TUBB8B: variants seen among roughly 807,000 people sequenced by gnomAD.
TUBB8B encodes the protein HSA18p11 beta-tubulin 4Q pseudogene.
In TUBB8B, 26 loss-of-function variants were observed where a neutral mutation model predicts 31.9. The observed-to-expected ratio is 0.81, with a 90% CI of 0.60 to 1.13. The LOEUF (loss-of-function observed/expected upper bound fraction) is 1.13, where lower values mean the gene tolerates loss of function less well. TUBB8B is among the 50% of genes most tolerant of loss of function. The pLI is 0.00. For missense variants in TUBB8B, 467 were observed against 586.7 expected (o/e 0.80, Z 2.11); for synonymous variants, 173 against 231.0 (o/e 0.75, Z 2.28).
At chr18:49,677 T>C (rs1345158556), upstream of TUBB8B, 2 of 706,462 alleles carry the variant, frequency 2.8e-6, no homozygotes, top group East Asian at 5.4e-5. Flanking sequence ...CAGCCTCCGA[T>C]TGGGCTCCCA....
chr18:67,897 T>C, the TUBB8B span, among the ~76,000 whole-genome samples: 5 of 152,112 alleles, frequency 3.3e-5, no homozygotes, highest in Admixed American at 1.3e-4. Flanking sequence ...GTAAGACTGA[T>C]GGGACACCTG....
the TUBB8B span, among the ~76,000 whole-genome samples, chr18:57,568 A>T: frequency 0.62 from 94,109 of 151,128 alleles, 30,535 homozygotes; most frequent in East Asian, 0.98. Flanking sequence ...ATTGCGTGCC[A>T]CTGGCTGGTT....
At chr18:59,569 C>T in the TUBB8B span, among the ~76,000 whole-genome samples, 32 of 129,238 alleles carry the variant, frequency 2.5e-4, no homozygotes, top group South Asian at 7.0e-3. Flanking sequence ...TTTGAGATGA[C>T]GTCTTCCTCT....
At chr18:67,972 A>G in the TUBB8B span, among the ~76,000 whole-genome samples, 1 of 152,160 alleles carries the variant, frequency 6.6e-6, no homozygotes, top group Non-Finnish European at 1.5e-5. Context: ...CACCCACAAT[A>G]CTGCTATGAC....
At chr18:55,113 A>G in the TUBB8B span, among the ~76,000 whole-genome samples, 5 of 148,044 alleles carry the variant, frequency 3.4e-5, no homozygotes, top group Admixed American at 2.0e-4. Context: ...TTATCTATTT[A>G]TGTATTGAGA....
chr18:49,288 C>T lies in TUBB8B; in HGVS notation c.58-51G>A, dbSNP rs1402188278. ...AGGCCGGGGCTGAGTCACGGAGGCGCCCCAGCCGCTCTCCCACCCCCACCC... is the reference window on the plus strand; with the variant it reads ...AGGCCGGGGCTGAGTCACGGAGGCGTCCCAGCCGCTCTCCCACCCCCACCC... On this transcript the variant is annotated intron_variant, in intron 1 of 3. Transcript: ENST00000308911. 1.4e-5 allele frequency: 21 copies of T among 1,492,570 alleles called. No individual in the cohort carries two copies. In the African/African-American group the frequency reaches 2.5e-4, roughly 18 times the overall value. 92.5% of individuals were successfully genotyped at this position (1,492,570 alleles called of 1,614,324 possible).
At chr18:64,186 T>C in the TUBB8B span, among the ~76,000 whole-genome samples, 9 of 152,022 alleles carry the variant, frequency 5.9e-5, no homozygotes, top group African/African-American at 2.2e-4. Context: ...AATCAAACTC[T>C]AAGCAAACCC....
chr18:49,799 G>A (rs1384828786), upstream of TUBB8B: 6 of 641,080 alleles, frequency 9.4e-6, no homozygotes, highest in East Asian at 3.4e-5. Flanking sequence ...CCACGTTGGG[G>A]AAAGCTGCTC....
chr18:56,319 G>T, the TUBB8B span, among the ~76,000 whole-genome samples: 2 of 151,608 alleles, frequency 1.3e-5, no homozygotes, highest in African/African-American at 4.8e-5. Context: ...GGTGTTTTGT[G>T]GTTCCATATT....
At chr18:66,371 G>GCAAGAC in the TUBB8B span, among the ~76,000 whole-genome samples, 1 of 152,144 alleles carries the variant, frequency 6.6e-6, no homozygotes, top group African/African-American at 2.4e-5. Flanking sequence ...GGGCAGGACA[G>GCAAGAC]CAAGACCCTA....
chr18:47,944 G>C lies in TUBB8B; in HGVS notation c.781C>G (p.Pro261Ala), dbSNP rs779997991. 6.2e-7 allele frequency: 1 copy of C among 1,611,708 alleles called. No individual in the cohort carries two copies. Among genetic ancestry groups the C allele is most frequent in the Non-Finnish European group, 8.5e-7 (1 of 1,179,958 alleles). The part of the protein sequence containing the change: ...RKLAVNMVPF[P>A]RLHFFMPGFA... The stretch of plus-strand genomic sequence containing the variant: ...CCGGGCATGAAGAAATGCAGCCGGG[G>C]AAACGGGACCATGTTCACGGCCAGC... Residue 261 changes from proline to alanine, a missense_variant, in exon 4 of 4, where the codon CCC (proline) becomes GCC (alanine). Around this residue, in one of 2 missense-constraint regions of TUBB8B, gnomAD observed 259 missense variants for 380.1 expected, o/e 0.68. Coordinates refer to ENST00000308911, the MANE Select transcript of TUBB8B (RefSeq NM_001358689.2).
At chr18:60,163 C>A in the TUBB8B span, among the ~76,000 whole-genome samples, 70 of 151,644 alleles carry the variant, frequency 4.6e-4, no homozygotes, top group African/African-American at 1.6e-3. Context: ...AATTTTGTTA[C>A]TCGTTATTGG....
chr18:55,760 C>T, the TUBB8B span, among the ~76,000 whole-genome samples: 1 of 151,824 alleles, frequency 6.6e-6, no homozygotes, highest in Non-Finnish European at 1.5e-5. Flanking sequence ...GGGTAATTTA[C>T]AAATATTTTC....
Position 47,602 on chromosome 18 carries a change from G to T in TUBB8B, c.1123C>A (p.Gln375Lys), listed in dbSNP as rs1905684295. The T allele has an allele frequency of 6.2e-7, 1 of 1,612,340 alleles. No homozygotes were observed. Among genetic ancestry groups the T allele is most frequent in the South Asian group, 1.1e-5 (1 of 91,010 alleles). ...TCTGAGACACATGTGAAGAGTTCCTGGATGGCCGCATTATTCCCAATGAAG... is the reference window on the plus strand; with the variant it reads ...TCTGAGACACATGTGAAGAGTTCCTTGATGGCCGCATTATTCCCAATGAAG... The part of the protein sequence containing the change: ...ATFIGNNAAI[Q>K]ELFTCVSEQF... The change falls in exon 4 of 4, where the codon CAG becomes AAG. Residue 375 changes from glutamine (Q) to lysine (K), a missense_variant. Physicochemically the swap from Gln to Lys is moderately conservative, Grantham distance 53 (BLOSUM62 1). Around this residue, in one of 2 missense-constraint regions of TUBB8B, gnomAD observed 208 missense variants for 206.7 expected, o/e 1.01. Transcript: ENST00000308911.
At chr18:61,551 T>G in the TUBB8B span, among the ~76,000 whole-genome samples, 2 of 151,662 alleles carry the variant, frequency 1.3e-5, no homozygotes, top group Non-Finnish European at 2.9e-5. Context: ...TTCCTTTTAG[T>G]GAAGGTGATT....
chr18:58,168 TA>T, the TUBB8B span, among the ~76,000 whole-genome samples: 64 of 151,280 alleles, frequency 4.2e-4, 1 homozygote, highest in Non-Finnish European at 5.6e-4. Context: ...TTTTTTTTTT[TA>T]AGTTATACAA....
chr18:67,615 G>A, the TUBB8B span, among the ~76,000 whole-genome samples: 3 of 152,236 alleles, frequency 2.0e-5, no homozygotes, highest in South Asian at 6.2e-4. Flanking sequence ...TAATTACTGT[G>A]ATGGTTAATT....
In TUBB8B at chr18:48,312, G is replaced by T. The variant is rs1259203799; in HGVS notation, c.413C>A (p.Ser138Tyr). 3 of 1,610,846 alleles carry T rather than the reference G, an allele frequency of 1.9e-6. No individual in the cohort carries two copies. The African/African-American group carries it at 4.0e-5, about 22-fold the overall frequency. Residue 138 changes from serine to tyrosine, a missense_variant, in exon 4 of 4, where the codon TCC (serine) becomes TAC (tyrosine). Coordinates refer to ENST00000308911, the MANE Select transcript of TUBB8B (RefSeq NM_001358689.2). Reference protein sequence around the residue: ...DCLQGFQLTHSLGGGTGSGMG... With the variant: ...DCLQGFQLTHYLGGGTGSGMG... ...CCCAGACCCAGTCCCCCCACCCAGGGAGTGGGTCAGCTGGAAACCCTGCAG... is the reference window on the plus strand; with the variant it reads ...CCCAGACCCAGTCCCCCCACCCAGGTAGTGGGTCAGCTGGAAACCCTGCAG...
the TUBB8B span, among the ~76,000 whole-genome samples, chr18:59,546 C>CTTT: frequency 0.16 from 22,473 of 136,622 alleles, 2,341 homozygotes; most frequent in African/African-American, 0.24. Flanking sequence ...GTCCTTCATT[C>CTTT]TTTTTTTTTT....
Sources: allele counts gnomAD v4.1 joint callset (sites outside exome capture counted in the v4.1 genomes callset), GRCh38; gene constraint gnomAD v4.1.1; regional missense constraint gnomAD v4.1.1; transcripts MANE v1.5; gene names NCBI Gene and HGNC (gene_info 2026-07-23, HGNC 2026-07-21).